TMEM30A: variants seen among roughly 807,000 people sequenced by gnomAD.
The protein encoded by TMEM30A is cell cycle control protein 50A.
Under a neutral mutation model 38.2 loss-of-function variants are expected in TMEM30A, and 24 were observed. The ratio of observed to expected loss-of-function variants is 0.63; its 90% CI spans 0.46 to 0.88. The LOEUF is 0.88. Ranked by LOEUF, TMEM30A falls within the 40% of genes least tolerant of loss-of-function variation. The pLI is 0.00. For synonymous variants in TMEM30A, 145 were observed against 161.6 expected (o/e 0.90, Z 0.78); for missense variants, 370 against 458.6 (o/e 0.81, Z 1.77).
At chr6:75,260,968 A>G in intron 3 of TMEM30A, 57 bp from the exon 4 acceptor site, 6 of 1,199,220 alleles carry the variant, frequency 5.0e-6, no homozygotes, top group Non-Finnish European at 7.1e-6. Flanking sequence ...TGGGAGAACT[A>G]TGAGCTATCC....
intron 1 of TMEM30A, among the ~76,000 whole-genome samples, chr6:75,269,836 A>G (rs1562393320): frequency 6.6e-6 from 1 of 152,146 alleles, no homozygotes; most frequent in Non-Finnish European, 1.5e-5. Flanking sequence ...CTGGGACTAC[A>G]GGAGTGCACC....
At chr6:75,278,197 T>C (rs2149524513) in intron 1 of TMEM30A, among the ~76,000 whole-genome samples, 1 of 152,326 alleles carries the variant, frequency 6.6e-6, no homozygotes, top group South Asian at 2.1e-4. Flanking sequence ...TCTAAACTAC[T>C]ACTCTCACGT....
rs1771834764 is a variant in TMEM30A at position 75,254,394 on chromosome 6, G to A, written c.*1708C>T. ...AGAATAAATAATATTCTGAAGGACTGACAAAACAGACTATTTTTAGACAAA... is the reference window on the plus strand; with the variant it reads ...AGAATAAATAATATTCTGAAGGACTAACAAAACAGACTATTTTTAGACAAA... On this transcript the variant is annotated 3_prime_UTR_variant, in exon 7 of 7. Coordinates refer to ENST00000230461, the MANE Select transcript of TMEM30A (RefSeq NM_018247.4). 6.6e-6 allele frequency: 1 copy of A among 151,944 alleles called. No individual in the cohort carries two copies. Among genetic ancestry groups the A allele is most frequent in the South Asian group, 2.1e-4 (1 of 4,822 alleles). 9.4% of individuals were successfully genotyped at this position (151,944 alleles called of 1,614,324 possible).
intron 1 of TMEM30A, among the ~76,000 whole-genome samples, chr6:75,275,159 G>A (rs1772240148): frequency 6.6e-6 from 1 of 152,070 alleles, no homozygotes; most frequent in Non-Finnish European, 1.5e-5. Flanking sequence ...CTCCTTTTCA[G>A]TCTCCTTTGC....
At chr6:75,274,382 A>G (rs1772225276) in intron 1 of TMEM30A, among the ~76,000 whole-genome samples, 2 of 152,224 alleles carry the variant, frequency 1.3e-5, no homozygotes, top group South Asian at 2.1e-4. Context: ...AGAAACAGCC[A>G]TAAGAGAAAT....
At chr6:75,279,629 T>C (rs1023792918) in intron 1 of TMEM30A, among the ~76,000 whole-genome samples, 4 of 152,168 alleles carry the variant, frequency 2.6e-5, no homozygotes, top group Non-Finnish European at 5.9e-5. Flanking sequence ...ATAGAACAGA[T>C]GTAGATGAGC....
chr6:75,270,137 T>G (rs1314598718), intron 1 of TMEM30A, among the ~76,000 whole-genome samples: 1 of 152,234 alleles, frequency 6.6e-6, no homozygotes, highest in Non-Finnish European at 1.5e-5. Flanking sequence ...ACTGCCAAAC[T>G]GACTTCCAAA....
At position 75,255,578 on chromosome 6, in the gene TMEM30A, C is replaced by A. The variant is rs45596238; in HGVS notation, c.*524G>T. On this transcript the variant is annotated 3_prime_UTR_variant, in exon 7 of 7. Transcript: ENST00000230461. ...GTACTGGATAAACTGGATACATGAA[C>A]CACCTCAACAAAGATGGTACTTTAA... is the stretch of plus-strand genomic sequence containing the variant. 0.021 allele frequency: 3,203 copies of A among 152,722 alleles called. 37 individuals carry two copies. Among genetic ancestry groups the A allele is most frequent in the Middle Eastern group, 0.078 (23 of 294 alleles). The allele number at this position is 152,722 out of a possible 1,614,324, so 9.5% of individuals were successfully genotyped here.
intron 1 of TMEM30A, among the ~76,000 whole-genome samples, chr6:75,271,700 G>A (rs938172998): frequency 6.6e-6 from 1 of 152,174 alleles, no homozygotes; most frequent in Non-Finnish European, 1.5e-5. Context: ...CACACAAGTA[G>A]TAATAGCTAG....
At chr6:75,269,937 C>T (rs1269794410) in intron 1 of TMEM30A, among the ~76,000 whole-genome samples, 3 of 152,146 alleles carry the variant, frequency 2.0e-5, no homozygotes, top group Non-Finnish European at 2.9e-5. Flanking sequence ...TCATGATCCG[C>T]CCACCTTGGC....
intron 1 of TMEM30A, among the ~76,000 whole-genome samples, chr6:75,280,936 G>A (rs1056771860): frequency 6.6e-6 from 1 of 151,966 alleles, no homozygotes; most frequent in Non-Finnish European, 1.5e-5. Context: ...CAATTTAGGA[G>A]TAAAAACATA....
intron 1 of TMEM30A, among the ~76,000 whole-genome samples, chr6:75,276,066 C>T (rs973984811): frequency 6.6e-6 from 1 of 152,076 alleles, no homozygotes; most frequent in Non-Finnish European, 1.5e-5. Context: ...CATAATGAAG[C>T]CTTCATGAAA....
At chr6:75,272,203 C>T (rs1391620468) in intron 1 of TMEM30A, among the ~76,000 whole-genome samples, 1 of 152,188 alleles carries the variant, frequency 6.6e-6, no homozygotes, top group African/African-American at 2.4e-5. Flanking sequence ...AGTAGAAAAG[C>T]TCCTCTTCAA....
At chr6:75,268,517 A>T (rs1479390839) in intron 1 of TMEM30A, among the ~76,000 whole-genome samples, 1 of 152,228 alleles carries the variant, frequency 6.6e-6, no homozygotes, top group Non-Finnish European at 1.5e-5. Flanking sequence ...AGTGAAGGAC[A>T]GCTTTCTGGT....
chr6:75,281,507 A>G (rs1198880800), intron 1 of TMEM30A, among the ~76,000 whole-genome samples: 1 of 152,178 alleles, frequency 6.6e-6, no homozygotes, highest in Non-Finnish European at 1.5e-5. Flanking sequence ...ACATAAACCT[A>G]AAAAGTAGAG....
chr6:75,253,842 AT>A lies in TMEM30A; in HGVS notation c.*2259del, dbSNP rs1275379143. 6.6e-6 allele frequency: 1 copy of A among 152,354 alleles called. No individual in the cohort carries two copies. Among genetic ancestry groups the A allele is most frequent in the Admixed American group, 6.6e-5 (1 of 15,254 alleles). The allele number at this position is 152,354 out of a possible 1,614,324, so 9.4% of individuals were successfully genotyped here. Reference sequence around the variant, plus strand: ...TTTCTTAGCTTTTACTTGTTGAATAATTTTTTCAATTGGGAATCTTTTCATA... The same window carrying A: ...TTTCTTAGCTTTTACTTGTTGAATAATTTTTCAATTGGGAATCTTTTCATA... On this transcript the variant is annotated 3_prime_UTR_variant, in exon 7 of 7. Transcript: ENST00000230461.
At position 75,284,760 on chromosome 6, in the gene TMEM30A, C is replaced by G; in HGVS notation, c.-122G>C. ...CCGCCGCCGCAGCCACCAGCGCCAC[C>G]GCCACAGCCACCTCCGCTGTAGAGC... On this transcript the variant is annotated 5_prime_UTR_variant, in exon 1 of 7. Coordinates refer to ENST00000230461, the MANE Select transcript of TMEM30A (RefSeq NM_018247.4). The G allele has an allele frequency of 1.1e-6, 1 of 898,376 alleles. No homozygotes were observed. Among genetic ancestry groups the G allele is most frequent in the Non-Finnish European group, 1.8e-6 (1 of 556,178 alleles). The allele number at this position is 898,376 out of a possible 1,614,324, so 55.7% of individuals were successfully genotyped here. A position where few individuals can be genotyped will look rare whatever the true frequency, so the allele number is the denominator to read the frequency against.
chr6:75,259,747 T>C (rs903095049), intron 4 of TMEM30A, among the ~76,000 whole-genome samples: 2 of 152,206 alleles, frequency 1.3e-5, no homozygotes, highest in African/African-American at 4.8e-5. Context: ...AGATCAAATG[T>C]TTTAATATTA....
At position 75,284,720 on chromosome 6, in the gene TMEM30A, GCGCCGCTGC is replaced by G; in HGVS notation, c.-91_-83del. The G allele has an allele frequency of 6.9e-7, 1 of 1,453,832 alleles. No homozygotes were observed. The highest frequency in any genetic ancestry group is 9.5e-7 in the Non-Finnish European group (1 of 1,050,164). The allele number at this position is 1,453,832 out of a possible 1,614,324, so 90.1% of individuals were successfully genotyped here. ...GCTGACCCTGACAGGAACCGCTCGA[GCGCCGCTGC>G]CGCCGCCGCCGCCGCAGCCACCAGC... On this transcript the variant is annotated 5_prime_UTR_variant, in exon 1 of 7. Coordinates refer to ENST00000230461, the MANE Select transcript of TMEM30A (RefSeq NM_018247.4).
Sources: allele counts gnomAD v4.1 joint callset (sites outside exome capture counted in the v4.1 genomes callset), GRCh38; gene constraint gnomAD v4.1.1; transcripts MANE v1.5; gene names NCBI Gene and HGNC (gene_info 2026-07-23, HGNC 2026-07-21).